The following CSMD3 variants were observed in gnomAD, a reference collection of about 807,000 sequenced individuals.
The protein encoded by CSMD3 is CUB and Sushi multiple domains 3.
In CSMD3, 177 loss-of-function variants were observed where a neutral mutation model predicts 435.2. The ratio of observed to expected loss-of-function variants is 0.41; its 90% CI spans 0.36 to 0.46. The LOEUF (loss-of-function observed/expected upper bound fraction) is 0.46. CSMD3 is among the 20% of genes least tolerant of loss of function. The pLI, the probability that CSMD3 is intolerant of heterozygous loss-of-function variation, is 0.34. For synonymous variants in CSMD3, 1,656 were observed against 1,520.5 expected (o/e 1.09, Z -2.07); for missense variants, 4,265 against 4,504.6 (o/e 0.95, Z 1.52).
chr8:113,188,774 C>A (rs79679359), intron 3 of CSMD3, among the ~76,000 whole-genome samples: 1 of 151,962 alleles, frequency 6.6e-6, no homozygotes, highest in African/African-American at 2.4e-5. Flanking sequence ...CTATCTCTGC[C>A]ATTTACCATA....
chr8:112,345,241 T>G (rs1407469854), intron 41 of CSMD3, among the ~76,000 whole-genome samples: 3 of 152,190 alleles, frequency 2.0e-5, no homozygotes, highest in African/African-American at 2.4e-5. Context: ...CCACTGGGTA[T>G]ATGTGCAAAA....
intron 2 of CSMD3, among the ~76,000 whole-genome samples, chr8:113,290,167 T>C (rs981304485): frequency 2.0e-5 from 3 of 151,684 alleles, no homozygotes; most frequent in African/African-American, 2.4e-5. Context: ...TGAGGATCTA[T>C]TCCATTACCA....
At chr8:112,920,770 G>A (rs554081899) in intron 10 of CSMD3, among the ~76,000 whole-genome samples, 1 of 151,614 alleles carries the variant, frequency 6.6e-6, no homozygotes, top group Non-Finnish European at 1.5e-5. Flanking sequence ...AAATAAAAAG[G>A]TACCCCAGTT....
chr8:112,839,307 T>C (rs2080115237), intron 11 of CSMD3, among the ~76,000 whole-genome samples: 1 of 151,772 alleles, frequency 6.6e-6, no homozygotes, highest in South Asian at 2.1e-4. Flanking sequence ...TAGGGGACTG[T>C]TGGCATGTAA....
At chr8:112,905,788 G>A (rs933147106) in intron 10 of CSMD3, among the ~76,000 whole-genome samples, 4 of 151,370 alleles carry the variant, frequency 2.6e-5, no homozygotes, top group Non-Finnish European at 5.9e-5. Flanking sequence ...AGTATGCTTC[G>A]TCTCTGACCT....
Position 112,295,965 on chromosome 8 carries a change from C to A in CSMD3, c.8482G>T (p.Val2828Phe). Residue 2828 changes from valine to phenylalanine, a missense_variant, in exon 54 of 71, where the codon GTC (valine) becomes TTC (phenylalanine). Physicochemically the swap from Val to Phe is conservative, Grantham distance 50. Transcript: ENST00000297405. ...CTATATCCATAATTTTCTCCAATGACTTGACCATTCACAATCAGTTCTGGA... is the reference window on the plus strand; with the variant it reads ...CTATATCCATAATTTTCTCCAATGAATTGACCATTCACAATCAGTTCTGGA... ...GIPELIVNGQ[V>F]IGENYGYRDT... 6.2e-7 allele frequency: 1 copy of A among 1,613,618 alleles called. No individual in the cohort carries two copies. Among genetic ancestry groups the A allele is most frequent in the South Asian group, 1.1e-5 (1 of 91,068 alleles).
chr8:112,778,207 ACT>A (rs1284167965), intron 13 of CSMD3, among the ~76,000 whole-genome samples: 1 of 151,898 alleles, frequency 6.6e-6, no homozygotes, highest in Non-Finnish European at 1.5e-5. Flanking sequence ...ATGAAACTAC[ACT>A]GACACATCAT....
At chr8:112,351,334 T>C in intron 39 of CSMD3, 90 bp from the exon 40 acceptor site, 1 of 859,286 alleles carries the variant, frequency 1.2e-6, no homozygotes, top group Non-Finnish European at 2.0e-6. Context: ...AAAAACAAGC[T>C]TAAGTACATG....
At chr8:112,858,545 A>C (rs975866822) in intron 11 of CSMD3, among the ~76,000 whole-genome samples, 7 of 151,788 alleles carry the variant, frequency 4.6e-5, no homozygotes, top group African/African-American at 1.4e-4. Context: ...GAAAGAAAAA[A>C]CAGCAAAATT....
At chr8:112,981,264 C>A (rs890332434) in intron 6 of CSMD3, among the ~76,000 whole-genome samples, 1 of 151,024 alleles carries the variant, frequency 6.6e-6, no homozygotes, top group African/African-American at 2.4e-5. Flanking sequence ...CACTTGTGCC[C>A]AGATTTCTGA....
chr8:112,974,528 G>C (rs2045539), intron 7 of CSMD3, among the ~76,000 whole-genome samples: 90,563 of 151,516 alleles, frequency 0.6, 28,501 homozygotes, highest in East Asian at 0.95. Flanking sequence ...CTGGTAATAA[G>C]ACAAAAACTG....
chr8:112,558,726 T>A (rs902162617), intron 24 of CSMD3, among the ~76,000 whole-genome samples: 1 of 151,944 alleles, frequency 6.6e-6, no homozygotes, highest in Admixed American at 6.6e-5. Flanking sequence ...GAGCAGAGAA[T>A]TGGGTTTTGC....
chr8:112,352,380 A>G, intron 39 of CSMD3, 36 bp downstream of exon 39: 1 of 1,611,614 alleles, frequency 6.2e-7, no homozygotes, highest in Non-Finnish European at 8.5e-7. Flanking sequence ...TGAAAGGGCC[A>G]TGAAAATCAA....
chr8:113,335,366 T>C (rs2094064576), intron 1 of CSMD3, among the ~76,000 whole-genome samples: 1 of 152,008 alleles, frequency 6.6e-6, no homozygotes, highest in Admixed American at 6.6e-5. Context: ...TCTTTTTTCT[T>C]TGTCAGCTTT....
intron 1 of CSMD3, among the ~76,000 whole-genome samples, chr8:113,344,269 A>G (rs903533250): frequency 2.0e-5 from 3 of 152,052 alleles, no homozygotes; most frequent in Non-Finnish European, 4.4e-5. Context: ...AAAGCCTAAA[A>G]CCAAATTTTT....
At chr8:113,318,796 G>GTC (rs2093928898) in intron 1 of CSMD3, among the ~76,000 whole-genome samples, 1 of 148,920 alleles carries the variant, frequency 6.7e-6, no homozygotes, top group Non-Finnish European at 1.5e-5. Flanking sequence ...ATGTGTGTGT[G>GTC]TGTGTGTGTG....
intron 42 of CSMD3, among the ~76,000 whole-genome samples, chr8:112,341,085 AAG>A (rs1825059052): frequency 1.3e-5 from 2 of 152,118 alleles, no homozygotes; most frequent in African/African-American, 4.8e-5. Flanking sequence ...TATAAAGTAA[AAG>A]AACATTTTAC....
chr8:113,290,029 T>C (rs1032370651), intron 2 of CSMD3, among the ~76,000 whole-genome samples: 5 of 151,730 alleles, frequency 3.3e-5, no homozygotes, highest in African/African-American at 9.7e-5. Context: ...TCTTTGTCAA[T>C]TTCCTCCAGT....
At chr8:112,813,195 G>A (rs913274386) in intron 12 of CSMD3, among the ~76,000 whole-genome samples, 4 of 152,170 alleles carry the variant, frequency 2.6e-5, no homozygotes, top group African/African-American at 9.7e-5. Context: ...TGAGCAGAGT[G>A]AAAGTACAAA....
Sources: gnomAD v4.1 joint callset for allele counts (sites outside exome capture counted in the v4.1 genomes callset) on GRCh38, gnomAD v4.1.1 for gene constraint, MANE v1.5 for transcripts, NCBI Gene and HGNC (gene_info 2026-07-23, HGNC 2026-07-21) for gene names.